CYB5A: variants seen among roughly 807,000 people sequenced by gnomAD.
The protein encoded by CYB5A is cytochrome b5.
In CYB5A, 10 loss-of-function variants were observed where a neutral mutation model predicts 16.2. That is an observed-to-expected ratio of 0.62 (90% CI 0.38 to 1.04). CYB5A has a LOEUF of 1.04. CYB5A is among the 50% of genes least tolerant of loss of function. The pLI is 0.01. For synonymous variants in CYB5A, 62 were observed against 57.0 expected, an observed-to-expected ratio of 1.09 and a Z score of -0.40; for missense variants, 161 against 165.9, an observed-to-expected ratio of 0.97 and a Z score of 0.16.
chr18:74,262,091 A>T (rs1318474884), intron 2 of CYB5A, among the ~76,000 whole-genome samples: 1 of 152,210 alleles, frequency 6.6e-6, no homozygotes, highest in African/African-American at 2.4e-5. Flanking sequence ...GACTAGTAAC[A>T]TTTAACATGG....
At chr18:74,289,871 G>A (rs1256318562) in intron 1 of CYB5A, among the ~76,000 whole-genome samples, 1 of 151,758 alleles carries the variant, frequency 6.6e-6, no homozygotes, top group Non-Finnish European at 1.5e-5. Context: ...CAATGCCCAG[G>A]ACAGACGCCA....
intron 3 of CYB5A, chr18:74,256,811 A>C (rs1309955005): frequency 1.6e-5 from 25 of 1,612,798 alleles, no homozygotes; most frequent in Non-Finnish European, 2.0e-5. Flanking sequence ...CAAGCAAAGC[A>C]GTTATGAGAC....
chr18:74,285,311 G>C (rs1983276515), intron 1 of CYB5A, among the ~76,000 whole-genome samples: 1 of 152,206 alleles, frequency 6.6e-6, no homozygotes, highest in Admixed American at 6.5e-5. Context: ...GTCAGCTGCT[G>C]CCTCCGGTCA....
At chr18:74,277,362 C>A (rs1363294119) in intron 1 of CYB5A, among the ~76,000 whole-genome samples, 1 of 152,216 alleles carries the variant, frequency 6.6e-6, no homozygotes, top group Non-Finnish European at 1.5e-5. Context: ...TCCACCCTCT[C>A]ACTGTATCCC....
rs1477248275 is a variant in CYB5A at position 74,253,644 on chromosome 18, G to A, written c.345C>T (p.Ile115=). 6.2e-7 allele frequency: 1 copy of A among 1,613,220 alleles called. No individual in the cohort carries two copies. Among genetic ancestry groups the A allele is most frequent in the South Asian group, 1.1e-5 (1 of 91,052 alleles). The change falls in exon 5 of 5, where the codon ATC becomes ATT. Residue 115 remains isoleucine (I), a synonymous_variant. Coordinates refer to ENST00000340533, the MANE Select transcript of CYB5A (RefSeq NM_148923.4). The part of the protein sequence containing the change: ...SSSSWWTNWV[I]PAISAVAVAL... ...CGACGGCCACTGCAGAGATGGCAGG[G>A]ATCACCCAGTTGGTCCACCAACTAG... is the stretch of plus-strand genomic sequence containing the variant.
intron 1 of CYB5A, among the ~76,000 whole-genome samples, chr18:74,289,206 T>C (rs1032421968): frequency 3.3e-5 from 5 of 152,176 alleles, no homozygotes; most frequent in African/African-American, 1.2e-4. Flanking sequence ...AGAAATTTGT[T>C]TTCAGCTAAT....
intron 3 of CYB5A, chr18:74,258,218 C>T (rs1017593999): frequency 7.9e-5 from 12 of 152,134 alleles, no homozygotes; most frequent in African/African-American, 2.7e-4. Flanking sequence ...GTCTGTGAGC[C>T]GGGTGCTTAA....
intron 3 of CYB5A, chr18:74,257,313 A>G (rs1459778121): frequency 5.6e-6 from 1 of 179,554 alleles, no homozygotes; most frequent in African/African-American, 2.4e-5. Context: ...AGCAACAGCC[A>G]TGAACTCTAA....
At chr18:74,263,930 A>T (rs1488022143) in intron 1 of CYB5A, among the ~76,000 whole-genome samples, 2 of 151,934 alleles carry the variant, frequency 1.3e-5, no homozygotes, top group Non-Finnish European at 2.9e-5. Flanking sequence ...GTAAAAAAAA[A>T]TTTAAAAACA....
intron 1 of CYB5A, among the ~76,000 whole-genome samples, chr18:74,264,460 G>A (rs924243565): frequency 6.9e-5 from 10 of 145,624 alleles, no homozygotes; most frequent in African/African-American, 2.5e-4. Flanking sequence ...CTCAAGAGCT[G>A]GCATGCCTAA....
At chr18:74,258,853 T>C (rs1982089349) in intron 3 of CYB5A, 1 of 152,174 alleles carries the variant, frequency 6.6e-6, no homozygotes, top group Admixed American at 6.5e-5. Flanking sequence ...AGTAAAAACA[T>C]CTACTTTAGG....
chr18:74,291,811 T>C lies in CYB5A; in HGVS notation c.65A>G (p.His22Arg), dbSNP rs1411415836. ...YTLEEIQKHN[H>R]SKSTWLILHH... ...CAGGATCAGCCAGGTGCTCTTGCTG[T>C]GGTTGTGCTTCTGAATCTCCTCTAG... The change falls in exon 1 of 5, where the codon CAC becomes CGC. Residue 22 changes from histidine to arginine, a missense_variant. By Grantham distance (29) the His-to-Arg change is conservative. Coordinates refer to ENST00000340533, the MANE Select transcript of CYB5A (RefSeq NM_148923.4). The C allele has an allele frequency of 1.2e-6, 2 of 1,613,758 alleles. No individual in the cohort carries two copies. Among genetic ancestry groups the C allele is most frequent in the African/African-American group, 1.3e-5 (1 of 74,890 alleles).
intron 1 of CYB5A, among the ~76,000 whole-genome samples, chr18:74,279,192 C>G (rs1982993400): frequency 6.6e-6 from 1 of 152,224 alleles, no homozygotes; most frequent in African/African-American, 2.4e-5. Flanking sequence ...CTAAGAGAGG[C>G]TGTTACTCTA....
chr18:74,263,588 A>T (rs1982304864), intron 1 of CYB5A, 111 bp from the exon 2 acceptor site: 2 of 772,872 alleles, frequency 2.6e-6, no homozygotes, highest in Middle Eastern at 2.3e-4. Flanking sequence ...GACACAGATG[A>T]CAACAGGAGA....
chr18:74,291,135 C>G (rs551097096), intron 1 of CYB5A: 16 of 182,746 alleles, frequency 8.8e-5, no homozygotes, highest in Non-Finnish European at 1.8e-4. Context: ...ACCCGACCTC[C>G]GCACTTGGGG....
intron 3 of CYB5A, chr18:74,257,090 A>C: frequency 2.0e-6 from 1 of 493,076 alleles, no homozygotes; most frequent in South Asian, 3.2e-5. Flanking sequence ...CAAAAGAATC[A>C]CTGAAGGTAA....
intron 1 of CYB5A, among the ~76,000 whole-genome samples, chr18:74,264,922 G>C (rs1259203157): frequency 6.7e-6 from 1 of 148,932 alleles, no homozygotes; most frequent in East Asian, 2.0e-4. Flanking sequence ...CGGAGCTTGG[G>C]CAAAGCATCC....
intron 1 of CYB5A, among the ~76,000 whole-genome samples, chr18:74,272,684 C>G (rs766932057): frequency 6.6e-6 from 1 of 152,088 alleles, no homozygotes. Flanking sequence ...TTTGGGAGGC[C>G]GAGGTGGGCA....
intron 2 of CYB5A, among the ~76,000 whole-genome samples, chr18:74,262,122 G>C (rs1166067890): frequency 6.6e-6 from 1 of 152,150 alleles, no homozygotes; most frequent in African/African-American, 2.4e-5. Flanking sequence ...CTGCCACAGA[G>C]GGGTCTAAAA....
Sources: allele counts gnomAD v4.1 joint callset (sites outside exome capture counted in the v4.1 genomes callset), GRCh38; gene constraint gnomAD v4.1.1; transcripts MANE v1.5; gene names NCBI Gene and HGNC (gene_info 2026-07-23, HGNC 2026-07-21).